Variants in PWWP2A observed in about 807,000 individuals in gnomAD.
PWWP2A encodes PWWP domain-containing protein 2A.
Under a neutral mutation model 48.5 loss-of-function variants are expected in PWWP2A, and 18 were observed. The observed-to-expected ratio is 0.37, with a 90% CI of 0.26 to 0.55. The LOEUF (loss-of-function observed/expected upper bound fraction) is 0.55, where lower values mean the gene tolerates loss of function less well. Among genes scored for constraint, PWWP2A ranks in the 20% least tolerant of loss-of-function variants. The pLI is 0.81. For missense variants in PWWP2A, 867 were observed against 976.4 expected, an observed-to-expected ratio of 0.89 and a Z score of 1.49; for synonymous variants, 396 against 387.7, an observed-to-expected ratio of 1.02 and a Z score of -0.25.
Position 160,093,775 on chromosome 5 carries a change from CGAG to C in PWWP2A, c.872_874del (p.Pro291del). ...TTTTCGTTTGGGTCGCTTAATTTTCCGAGGAGGTGGCTGAGGTATTGATTGGTT... is the reference window on the plus strand; with the variant it reads ...TTTTCGTTTGGGTCGCTTAATTTTCCGAGGTGGCTGAGGTATTGATTGGTT... On this transcript the variant is annotated inframe_deletion, in exon 2 of 2. Transcript: ENST00000307063. The surrounding 1 kb of genome is among the most constrained non-coding windows in gnomAD (Gnocchi z 5.8). 6.2e-7 allele frequency: 1 copy of C among 1,613,886 alleles called. No individual in the cohort carries two copies. Among genetic ancestry groups the C allele is most frequent in the Non-Finnish European group, 8.5e-7 (1 of 1,179,890 alleles).
chr5:160,080,049 C>G (rs1754119614), intron 3 of PWWP2A, among the ~76,000 whole-genome samples: 1 of 152,098 alleles, frequency 6.6e-6, no homozygotes, highest in Admixed American at 6.6e-5. Context: ...CCAAAATAAG[C>G]CTTTTAGGCC....
rs531171439 is a variant in PWWP2A, at chr5:160,103,752, G to A, written c.585-9687C>T. Among the ~76,000 whole-genome samples the A allele has an allele frequency of 1.1e-4, 17 of 152,232 alleles. No individual in the cohort carries two copies. In the Middle Eastern group the frequency reaches 0.01, roughly 91 times the overall value. On this transcript the variant is annotated intron_variant, in intron 1 of 1. Coordinates refer to ENST00000307063, the MANE Select transcript of PWWP2A (RefSeq NM_001130864.2). ...ATCCATCTGGCAGAAAAAGAGGAGG[G>A]CATGTTGGTGAGTGTGCCTGAGTGG...
chr5:160,062,089 G>A (rs1230125486), exon 6 of PWWP2A: 1 of 152,232 alleles, frequency 6.6e-6, no homozygotes, highest in African/African-American at 2.4e-5. Context: ...CAGCCACTCT[G>A]TCCCCTGCAT....
intron 1 of PWWP2A, among the ~76,000 whole-genome samples, chr5:160,104,113 ACT>A (rs1172681570): frequency 1.0e-5 from 1 of 96,670 alleles, no homozygotes; most frequent in Non-Finnish European, 2.1e-5. Context: ...ACAGAGTGAG[ACT>A]CTGTCTCAAA....
At chr5:160,108,510 A>G (rs1290523998) in intron 1 of PWWP2A, 1 of 1,068,136 alleles carries the variant, frequency 9.4e-7, no homozygotes, top group East Asian at 5.9e-5. Flanking sequence ...CTCAACCTGG[A>G]CACTGTAGTA....
downstream of PWWP2A, among the ~76,000 whole-genome samples, chr5:160,072,486 C>T (rs1753761041): frequency 6.6e-6 from 1 of 152,092 alleles, no homozygotes; most frequent in Admixed American, 6.5e-5. Flanking sequence ...CCAGCACCTG[C>T]GGGGGGCGAG....
downstream of PWWP2A, among the ~76,000 whole-genome samples, chr5:160,073,701 A>G (rs924687422): frequency 5.3e-5 from 8 of 152,172 alleles, no homozygotes; most frequent in Non-Finnish European, 8.8e-5. Context: ...GTTTTCCTGA[A>G]TCATACTCTC....
At chr5:160,080,882 TA>T (rs1233763439) in intron 2 of PWWP2A, 1 of 946,630 alleles carries the variant, frequency 1.1e-6, no homozygotes, top group Admixed American at 2.9e-5. Flanking sequence ...TGAATTTTCA[TA>T]ACAAATTTAT....
rs535228102 is a variant in PWWP2A at position 160,107,064 on chromosome 5, G to A, written c.584+11741C>T. On this transcript the variant is annotated intron_variant, in intron 1 of 1. Transcript: ENST00000307063. ...TGGTCTCAAACTCCTGGCCTCAAAT[G>A]AGCCACCCACCTTGGCCTCCCAAAG... Among the ~76,000 whole-genome samples, 233 of 152,040 alleles carry A rather than the reference G, an allele frequency of 1.5e-3. 4 individuals carry two copies. Among genetic ancestry groups the A allele is most frequent in the Non-Finnish European group, 1.8e-3 (120 of 67,986 alleles).
intron 1 of PWWP2A, among the ~76,000 whole-genome samples, 176 bp downstream of exon 1, chr5:160,118,629 C>A (rs963045093): frequency 3.7e-4 from 56 of 152,224 alleles, no homozygotes; most frequent in African/African-American, 1.3e-3. Flanking sequence ...CCGGGACCGC[C>A]CTCTCCCGGT....
At chr5:160,108,314 C>T (rs2113639040) in intron 1 of PWWP2A, among the ~76,000 whole-genome samples, 1 of 152,312 alleles carries the variant, frequency 6.6e-6, no homozygotes, top group East Asian at 1.9e-4. Flanking sequence ...TCAACACATA[C>T]TGCACAGTAG....
downstream of PWWP2A, chr5:160,090,050 A>G (rs554693433): frequency 3.0e-6 from 3 of 985,458 alleles, no homozygotes; most frequent in Middle Eastern, 5.2e-4. Flanking sequence ...CAAATGAAAT[A>G]TGCCAGACTG....
downstream of PWWP2A, among the ~76,000 whole-genome samples, chr5:160,074,456 A>AATAG (rs995418593): frequency 2.0e-5 from 3 of 149,674 alleles, no homozygotes; most frequent in Non-Finnish European, 4.4e-5. Flanking sequence ...TAAATAAATA[A>AATAG]ATAAATAAAG....
At chr5:160,071,384 G>A (rs1377981232), downstream of PWWP2A, among the ~76,000 whole-genome samples, 11 of 152,216 alleles carry the variant, frequency 7.2e-5, no homozygotes, top group Admixed American at 5.9e-4. Flanking sequence ...AGAAGCTGGC[G>A]GCAGGCGGCA....
intron 1 of PWWP2A, among the ~76,000 whole-genome samples, chr5:160,109,736 A>G (rs1181662012): frequency 7.8e-6 from 1 of 128,474 alleles, no homozygotes; most frequent in Non-Finnish European, 1.7e-5. Context: ...AAAACAAGGA[A>G]ATGCAAGAGG....
At chr5:160,051,005 A>G in the PWWP2A span, 2 of 678,710 alleles carry the variant, frequency 2.9e-6, no homozygotes, top group South Asian at 2.2e-5. Flanking sequence ...ATAGGATCAT[A>G]GACATACTTA....
At position 160,119,220 on chromosome 5, in the gene PWWP2A, GC is replaced by G; in HGVS notation, c.168del (p.Gln57SerfsTer83). On this transcript the variant is annotated frameshift_variant, in exon 1 of 2. Coordinates refer to ENST00000307063, the MANE Select transcript of PWWP2A (RefSeq NM_001130864.2). LOFTEE classifies it high-confidence loss of function. Reference protein sequence around the residue: ...EASVPDGETDGQQSAPQADEP... With the variant: ...EASVPDGETDXQQSAPQADEP... Reference sequence around the variant, plus strand: ...TCGTCGGCCTGAGGAGCGGATTGCTGCCCGTCAGTCTCGCCATCCGGCACAG... The same window carrying G: ...TCGTCGGCCTGAGGAGCGGATTGCTGCCGTCAGTCTCGCCATCCGGCACAG... The G allele has an allele frequency of 6.9e-7, 1 of 1,441,144 alleles. No individual in the cohort carries two copies. Among genetic ancestry groups the G allele is most frequent in the Non-Finnish European group, 9.0e-7 (1 of 1,110,440 alleles). 89.3% of individuals were successfully genotyped at this position (1,441,144 alleles called of 1,614,324 possible). A position where few individuals can be genotyped will look rare whatever the true frequency, so the allele number is the denominator to read the frequency against.
chr5:160,099,476 G>A (rs966390399), intron 1 of PWWP2A, among the ~76,000 whole-genome samples: 2 of 152,050 alleles, frequency 1.3e-5, no homozygotes, highest in Admixed American at 1.3e-4. Context: ...CTGTGAATCT[G>A]TAATACTATT....
chr5:160,098,034 TC>T (rs1163265372), intron 1 of PWWP2A, among the ~76,000 whole-genome samples: 1 of 152,180 alleles, frequency 6.6e-6, no homozygotes, highest in East Asian at 1.9e-4. Context: ...GAATTTAGGC[TC>T]CTTCCCATGT....
Sources: allele counts gnomAD v4.1 joint callset (sites outside exome capture counted in the v4.1 genomes callset), GRCh38; gene constraint gnomAD v4.1.1; non-coding constraint Gnocchi (gnomAD v3.1); transcripts MANE v1.5; gene names NCBI Gene and HGNC (gene_info 2026-07-23, HGNC 2026-07-21).